Variants in SORCS1 observed in about 807,000 individuals in gnomAD.
SORCS1 encodes VPS10 domain-containing receptor SorCS1.
A neutral mutation model predicts 146.1 loss-of-function variants in SORCS1; 60 were observed. That is an observed-to-expected ratio of 0.41 (90% CI 0.33 to 0.51). SORCS1 has a LOEUF of 0.51. Among genes scored for constraint, SORCS1 ranks in the 20% least tolerant of loss-of-function variants. SORCS1 has a pLI of 0.21. For missense variants in SORCS1, 1,352 were observed against 1,487.6 expected (o/e 0.91, Z 1.50); for synonymous variants, 637 against 584.0 (o/e 1.09, Z -1.31).
chr10:106,948,955 T>A (rs1408186110), intron 2 of SORCS1, among the ~76,000 whole-genome samples: 1 of 150,946 alleles, frequency 6.6e-6, no homozygotes, highest in Admixed American at 6.6e-5. Flanking sequence ...AGAAAGACTC[T>A]GTATCCAAAA....
the SORCS1 span, among the ~76,000 whole-genome samples, chr10:107,176,241 TTTCC>T: frequency 4.8e-4 from 73 of 150,552 alleles, no homozygotes; most frequent in South Asian, 8.6e-3. Flanking sequence ...CCTTCCCTGT[TTTCC>T]TTCCTTCCTT....
intron 1 of SORCS1, among the ~76,000 whole-genome samples, chr10:107,044,512 T>TAAAAAAA (rs59253149): frequency 1.4e-5 from 1 of 74,058 alleles, no homozygotes; most frequent in African/African-American, 5.5e-5. Flanking sequence ...TTCTAATTTG[T>TAAAAAAA]AAAAAAAAAA....
intron 1 of SORCS1, among the ~76,000 whole-genome samples, chr10:106,959,800 T>G (rs1230944553): frequency 1.3e-5 from 2 of 152,320 alleles, no homozygotes; most frequent in African/African-American, 4.8e-5. Flanking sequence ...TGCAGGACAC[T>G]GCGTCCAGCT....
chr10:106,645,389 C>T (rs757410082), intron 18 of SORCS1, among the ~76,000 whole-genome samples: 5 of 152,020 alleles, frequency 3.3e-5, no homozygotes, highest in African/African-American at 9.7e-5. Context: ...GATGGGGTTT[C>T]GCCATGTTGG....
At chr10:106,771,083 G>A (rs994638773) in intron 4 of SORCS1, among the ~76,000 whole-genome samples, 1 of 152,194 alleles carries the variant, frequency 6.6e-6, no homozygotes, top group Non-Finnish European at 1.5e-5. Context: ...CAGCGTTCAT[G>A]TTGGTTTCAC....
chr10:107,121,755 T>C lies in SORCS1; in HGVS notation c.558+42214A>G, dbSNP rs74501073. On this transcript the variant is annotated intron_variant, in intron 1 of 25. Coordinates refer to ENST00000263054, the MANE Select transcript of SORCS1 (RefSeq NM_052918.5). ...GATAAGGGACAAAAACACATTATTT[T>C]CTTGTGTATGCATCTCTTTGCATAA... Among the ~76,000 whole-genome samples, 399 of 152,294 alleles carry C rather than the reference T, an allele frequency of 2.6e-3. 12 individuals are homozygous for C. The East Asian group carries it at 0.067, about 26-fold the overall frequency.
chr10:106,742,867 CTTTG>C (rs1324827098), intron 5 of SORCS1, among the ~76,000 whole-genome samples: 3 of 152,036 alleles, frequency 2.0e-5, no homozygotes, highest in Admixed American at 6.6e-5. Flanking sequence ...ACTACCTGTA[CTTTG>C]TTTGTTGATG....
intron 14 of SORCS1, among the ~76,000 whole-genome samples, chr10:106,674,705 G>T (rs1275129715): frequency 6.6e-6 from 1 of 152,166 alleles, no homozygotes; most frequent in Admixed American, 6.5e-5. Context: ...GTGGCATTTT[G>T]ATGAAACTAT....
intron 1 of SORCS1, among the ~76,000 whole-genome samples, chr10:107,018,063 T>G (rs1957971410): frequency 6.6e-6 from 1 of 152,176 alleles, no homozygotes; most frequent in Admixed American, 6.5e-5. Context: ...TCCTTATCTC[T>G]AAAGACACAG....
At chr10:106,997,069 A>C (rs1485042510) in intron 1 of SORCS1, among the ~76,000 whole-genome samples, 1 of 151,700 alleles carries the variant, frequency 6.6e-6, no homozygotes, top group Non-Finnish European at 1.5e-5. Flanking sequence ...GCACCAGATT[A>C]GCCTGGTCCT....
intron 1 of SORCS1, among the ~76,000 whole-genome samples, chr10:107,098,248 T>C (rs1053016680): frequency 4.6e-5 from 7 of 152,192 alleles, no homozygotes; most frequent in Admixed American, 2.6e-4. Context: ...TGAACTCTTT[T>C]ATCTTTCCTC....
At chr10:106,851,804 T>A (rs2137290945) in intron 2 of SORCS1, among the ~76,000 whole-genome samples, 1 of 152,370 alleles carries the variant, frequency 6.6e-6, no homozygotes, top group East Asian at 1.9e-4. Flanking sequence ...ACTGACATCT[T>A]GGCAATATTG....
chr10:106,952,640 T>C (rs17276802), intron 2 of SORCS1, among the ~76,000 whole-genome samples: 64,988 of 149,346 alleles, frequency 0.44, 16,739 homozygotes, highest in Non-Finnish European at 0.58. Context: ...ATTCTCTGTT[T>C]TCTAAATTAC....
intron 1 of SORCS1, among the ~76,000 whole-genome samples, chr10:107,126,212 C>T (rs1357763802): frequency 6.6e-6 from 1 of 152,016 alleles, no homozygotes; most frequent in Non-Finnish European, 1.5e-5. Context: ...CCAACGATCA[C>T]TTCATCCTAT....
intron 2 of SORCS1, among the ~76,000 whole-genome samples, chr10:106,855,158 C>G (rs1949734878): frequency 1.3e-5 from 2 of 152,094 alleles, no homozygotes; most frequent in African/African-American, 4.8e-5. Context: ...TTGATGTTTT[C>G]CATTATTTTT....
chr10:106,735,270 A>G (rs1856870982), intron 5 of SORCS1, among the ~76,000 whole-genome samples: 3 of 152,214 alleles, frequency 2.0e-5, no homozygotes, highest in Admixed American at 2.0e-4. Flanking sequence ...GATCAATTAT[A>G]TGAATAAATA....
At chr10:107,056,723 G>T (rs546853575) in intron 1 of SORCS1, among the ~76,000 whole-genome samples, 1 of 152,324 alleles carries the variant, frequency 6.6e-6, no homozygotes, top group Admixed American at 6.5e-5. Context: ...ATTTGCAAAT[G>T]CAATGGTAAA....
At position 106,667,384 on chromosome 10, in the gene SORCS1, A is replaced by ACTT. The variant is rs1851242064; in HGVS notation, c.2303+302_2303+304dup. ...ATGGATACAATGACGGTAAAAGGTA[A>ACTT]CTTCACAGGATTAAATAGCTTGAAA... On this transcript the variant is annotated intron_variant, in intron 17 of 25. Coordinates refer to ENST00000263054, the MANE Select transcript of SORCS1 (RefSeq NM_052918.5). The ACTT allele has an allele frequency of 1.1e-5, 3 of 271,916 alleles. No individual in the cohort carries two copies. In the East Asian group the frequency reaches 2.0e-4, roughly 18 times the overall value. 16.8% of individuals were successfully genotyped at this position (271,916 alleles called of 1,614,324 possible).
intron 5 of SORCS1, among the ~76,000 whole-genome samples, chr10:106,751,055 T>G (rs1253695424): frequency 6.8e-5 from 2 of 29,264 alleles, no homozygotes; most frequent in African/African-American, 1.9e-4. Flanking sequence ...TGAGACTCCG[T>G]CTCAAAAAAA....
Sources: gnomAD v4.1 joint callset for allele counts (sites outside exome capture counted in the v4.1 genomes callset) on GRCh38, gnomAD v4.1.1 for gene constraint, MANE v1.5 for transcripts, NCBI Gene and HGNC (gene_info 2026-07-23, HGNC 2026-07-21) for gene names.